GARS1: variants seen among roughly 807,000 people sequenced by gnomAD.
GARS1 encodes glycyl-tRNA synthetase 1, also known as glycine--tRNA ligase.
In GARS1, 46 loss-of-function variants were observed where a neutral mutation model predicts 86.4. The observed-to-expected ratio is 0.53, with a 90% CI of 0.42 to 0.68. GARS1 has a LOEUF of 0.68. Among genes scored for constraint, GARS1 ranks in the 30% least tolerant of loss-of-function variants. The probability of loss-of-function intolerance (pLI) is 0.00; values close to 1 mark genes in which losing one functional copy is unlikely to be tolerated. For synonymous variants in GARS1, 342 were observed against 329.8 expected, an observed-to-expected ratio of 1.04 and a Z score of -0.40; for missense variants, 797 against 915.6, an observed-to-expected ratio of 0.87 and a Z score of 1.67.
chr7:30,631,568 C>A, intron 15 of GARS1, 27 bp downstream of exon 15: 1 of 1,412,366 alleles, frequency 7.1e-7, no homozygotes, highest in Non-Finnish European at 1.0e-6. Context: ...GGGTAAACTC[C>A]ATGGGAACAC....
rs374795892 is a variant in GARS1 at position 30,622,469 on chromosome 7, T to C, written c.1613+7T>C. ...TGCTGCTGAATGAGAAAGGGTAAGA[T>C]ATCAGATGTTTACTCTTCCATGGGC... On this transcript the variant is annotated splice_region_variant and intron_variant, in intron 12 of 16. Transcript: ENST00000389266. 6.2e-6 allele frequency: 10 copies of C among 1,614,060 alleles called. No individual in the cohort carries two copies. Among genetic ancestry groups the C allele is most frequent in the South Asian group, 1.1e-5 (1 of 91,080 alleles).
intron 12 of GARS1, among the ~76,000 whole-genome samples, chr7:30,623,114 C>CAAAAAAAAAAAAAAAAAAAA (rs1205425678): frequency 2.4e-5 from 3 of 126,722 alleles, no homozygotes. Context: ...AAAAAAAAAA[C>CAAAAAAAAAAAAAAAAAAAA]AAAAAAAAAA....
At chr7:30,622,595 G>A in intron 12 of GARS1, 133 bp downstream of exon 12, 2 of 1,055,584 alleles carry the variant, frequency 1.9e-6, no homozygotes, top group Non-Finnish European at 2.9e-6. Flanking sequence ...TTAAAAGACT[G>A]TCTTTGCCGA....
At chr7:30,627,668 A>G (rs1783153722) in intron 13 of GARS1, among the ~76,000 whole-genome samples, 1 of 152,150 alleles carries the variant, frequency 6.6e-6, no homozygotes. Flanking sequence ...TCTTTGATGG[A>G]GTGCTGTTCT....
At chr7:30,628,857 T>C (rs950842418) in intron 14 of GARS1, among the ~76,000 whole-genome samples, 188 bp downstream of exon 14, 1 of 152,234 alleles carries the variant, frequency 6.6e-6, no homozygotes, top group African/African-American at 2.4e-5. Flanking sequence ...TTATTTGAGC[T>C]TTAGGTTATT....
At chr7:30,609,469 A>C in intron 6 of GARS1, 116 bp from the exon 7 acceptor site, 3 of 828,618 alleles carry the variant, frequency 3.6e-6, no homozygotes, top group Non-Finnish European at 6.1e-6. Context: ...GTTAATTGTG[A>C]TGTTCCTGAA....
intron 1 of GARS1, chr7:30,595,827 G>A (rs1791235334): frequency 2.1e-6 from 1 of 471,012 alleles, no homozygotes; most frequent in Admixed American, 2.3e-5. Context: ...TGAAAAGGCC[G>A]TTTGGAACCA....
intron 6 of GARS1, among the ~76,000 whole-genome samples, chr7:30,605,791 CT>C (rs1432920685): frequency 1.3e-5 from 2 of 152,184 alleles, no homozygotes; most frequent in East Asian, 3.9e-4. Flanking sequence ...TTAAAAAATC[CT>C]TTTCAATCCT....
chr7:30,634,031 A>T lies in GARS1; in HGVS notation c.*171A>T, dbSNP rs1216791265. ...AATTAAAGTTGAAGGAATCCTGAAC[A>T]AACTTGTGATCTATTTGCTTGTGTT... On this transcript the variant is annotated 3_prime_UTR_variant, in exon 17 of 17. Coordinates refer to ENST00000389266, the MANE Select transcript of GARS1 (RefSeq NM_002047.4). 1.3e-6 allele frequency: 1 copy of T among 798,196 alleles called. No homozygotes were observed. Among genetic ancestry groups the T allele is most frequent in the African/African-American group, 1.8e-5 (1 of 56,980 alleles). 49.4% of individuals were successfully genotyped at this position (798,196 alleles called of 1,614,324 possible).
chr7:30,594,973 C>T lies in GARS1; in HGVS notation c.52C>T (p.Leu18=). 6.3e-7 allele frequency: 1 copy of T among 1,595,290 alleles called. No homozygotes were observed. ...LLRGARAALL[L]LLPPRLLARP... ...TAGAGGTGCTCGCGCCGCTCTGCTG[C>T]TGCTGCTGCCGCCCCGGCTCTTAGC... Residue 18 remains leucine, a synonymous_variant, in exon 1 of 17, where the codon CTG becomes TTG. Coordinates refer to ENST00000389266, the MANE Select transcript of GARS1 (RefSeq NM_002047.4).
At chr7:30,608,325 A>G (rs928813141) in intron 6 of GARS1, among the ~76,000 whole-genome samples, 1 of 152,150 alleles carries the variant, frequency 6.6e-6, no homozygotes, top group African/African-American at 2.4e-5. Flanking sequence ...TTTTTAAATT[A>G]TGCCTTTTAT....
chr7:30,600,002 C>G lies in GARS1; in HGVS notation c.380C>G (p.Thr127Ser). Reference sequence around the variant, plus strand: ...GTAGACCGAGCAAAAATGGAAGATACCCTGAAGAGGAGGTTTTTCTATGAT... The same window carrying G: ...GTAGACCGAGCAAAAATGGAAGATAGCCTGAAGAGGAGGTTTTTCTATGAT... ...DIVDRAKMED[T>S]LKRRFFYDQA... The change falls in exon 3 of 17, where the codon ACC (threonine) becomes AGC (serine). Residue 127 changes from threonine (T) to serine (S), a missense_variant. Physicochemically the swap from Thr to Ser is moderately conservative, Grantham distance 58. Transcript: ENST00000389266. 1 of 1,605,562 alleles carries G rather than the reference C, an allele frequency of 6.2e-7. No individual in the cohort carries two copies. The highest frequency in any genetic ancestry group is 2.3e-5 in the East Asian group (1 of 44,376).
chr7:30,631,446 A>C lies in GARS1; in HGVS notation c.1810-2A>C. ...GGATTTTTTTCTTTTTAAATCATCC[A>C]GTTCTTCAGTTTCCCTGCTGTAGTT... On this transcript the variant is annotated splice_acceptor_variant, in intron 14 of 16. Transcript: ENST00000389266. LOFTEE classifies it high-confidence loss of function. 1 of 1,610,858 alleles carries C rather than the reference A, an allele frequency of 6.2e-7. No individual in the cohort carries two copies. The highest frequency in any genetic ancestry group is 8.5e-7 in the Non-Finnish European group (1 of 1,177,150).
At chr7:30,595,743 G>A in intron 1 of GARS1, 1 of 471,040 alleles carries the variant, frequency 2.1e-6, no homozygotes, top group Non-Finnish European at 4.4e-6. Context: ...AAATGTGGAT[G>A]TGGGGAGGTG....
At chr7:30,594,752 G>A, upstream of GARS1, 1 of 612,706 alleles carries the variant, frequency 1.6e-6, no homozygotes, top group Non-Finnish European at 2.8e-6. Flanking sequence ...GGGTCCTTCC[G>A]GGTTTTGTGT....
chr7:30,624,161 G>A (rs1024966000), intron 12 of GARS1, among the ~76,000 whole-genome samples: 14 of 151,790 alleles, frequency 9.2e-5, no homozygotes, highest in African/African-American at 3.4e-4. Context: ...TATTTTATGT[G>A]CAGTCCGAGA....
At chr7:30,619,509 C>T (rs10487700) in intron 10 of GARS1, among the ~76,000 whole-genome samples, 7,257 of 152,230 alleles carry the variant, frequency 0.048, 220 homozygotes, top group Middle Eastern at 0.095. Context: ...TTTTACCTTT[C>T]AGTACATAAA....
At chr7:30,618,294 C>T (rs193272144) in intron 10 of GARS1, among the ~76,000 whole-genome samples, 3 of 152,070 alleles carry the variant, frequency 2.0e-5, no homozygotes, top group African/African-American at 7.2e-5. Context: ...GTCTCTGTCA[C>T]ATAACTTTGT....
intron 10 of GARS1, among the ~76,000 whole-genome samples, 173 bp downstream of exon 10, chr7:30,617,451 A>C (rs1782911927): frequency 6.6e-6 from 1 of 152,190 alleles, no homozygotes; most frequent in Admixed American, 6.5e-5. Flanking sequence ...TAAGTGTCCT[A>C]AGGAGCTCGT....
Sources: allele counts gnomAD v4.1 joint callset (sites outside exome capture counted in the v4.1 genomes callset), GRCh38; gene constraint gnomAD v4.1.1; transcripts MANE v1.5; gene names NCBI Gene and HGNC (gene_info 2026-07-23, HGNC 2026-07-21).